ASAP1: variants seen among roughly 807,000 people sequenced by gnomAD.
ASAP1 encodes arf-GAP with SH3 domain, ANK repeat and PH domain-containing protein 1.
ASAP1 carries 43 observed loss-of-function variants against 145.2 expected under a neutral mutation model. That is an observed-to-expected ratio of 0.30 (90% CI 0.23 to 0.38). The LOEUF (loss-of-function observed/expected upper bound fraction) is 0.38, where lower values mean the gene tolerates loss of function less well. Among genes scored for constraint, ASAP1 ranks in the 10% least tolerant of loss-of-function variants. The probability of loss-of-function intolerance (pLI) is 1.00; values close to 1 mark genes in which losing one functional copy is unlikely to be tolerated. For missense variants in ASAP1, 1,018 were observed against 1,355.3 expected, an observed-to-expected ratio of 0.75 and a Z score of 3.91; for synonymous variants, 546 against 515.5, an observed-to-expected ratio of 1.06 and a Z score of -0.80.
intron 13 of ASAP1, among the ~76,000 whole-genome samples, chr8:130,148,802 G>A (rs1288208782): frequency 2.0e-5 from 3 of 151,918 alleles, no homozygotes; most frequent in Non-Finnish European, 4.4e-5. Flanking sequence ...TAGTTTAGTC[G>A]CTTCATATAA....
At chr8:130,327,514 C>T (rs1009389177) in intron 3 of ASAP1, among the ~76,000 whole-genome samples, 3 of 152,156 alleles carry the variant, frequency 2.0e-5, no homozygotes, top group Admixed American at 6.5e-5. Context: ...AATTAAGTAA[C>T]ATGGAAGAAT....
chr8:130,273,949 G>C (rs1035660469), intron 3 of ASAP1, among the ~76,000 whole-genome samples: 6 of 152,182 alleles, frequency 3.9e-5, no homozygotes, highest in Admixed American at 2.0e-4. Context: ...TAGGATGAAG[G>C]GGGGCGGAGG....
intron 3 of ASAP1, among the ~76,000 whole-genome samples, chr8:130,333,651 A>C (rs562177460): frequency 2.6e-5 from 4 of 152,320 alleles, no homozygotes; most frequent in Non-Finnish European, 4.4e-5. Context: ...TGGCTGTAAC[A>C]ATTTTTTTAA....
intron 3 of ASAP1, among the ~76,000 whole-genome samples, chr8:130,253,460 G>A (rs77569195): frequency 1.4e-3 from 216 of 152,218 alleles, no homozygotes; most frequent in Non-Finnish European, 2.5e-3. Context: ...TAGTTAGCAA[G>A]AACAAATTTT....
chr8:130,236,845 A>T lies in ASAP1; in HGVS notation c.259+77T>A, dbSNP rs575723818. ...TTGTGTCAAGTTTCCTATAAACTTA[A>T]CATCTTTTAAATAACTAACAAAACT... On this transcript the variant is annotated intron_variant, in intron 4 of 29. Coordinates refer to ENST00000518721, the MANE Select transcript of ASAP1 (RefSeq NM_018482.4). The T allele has an allele frequency of 7.9e-5, 87 of 1,105,598 alleles. No individual in the cohort carries two copies. The African/African-American group carries it at 1.3e-3, about 17-fold the overall frequency. 68.5% of individuals were successfully genotyped at this position (1,105,598 alleles called of 1,614,324 possible). A position where few individuals can be genotyped will look rare whatever the true frequency, so the allele number is the denominator to read the frequency against.
At chr8:130,081,160 G>GT (rs1236021301) in intron 25 of ASAP1, among the ~76,000 whole-genome samples, 2 of 152,226 alleles carry the variant, frequency 1.3e-5, no homozygotes, top group African/African-American at 4.8e-5. Flanking sequence ...GGAAGAGGGA[G>GT]TAGGGAATGC....
intron 5 of ASAP1, among the ~76,000 whole-genome samples, chr8:130,203,512 T>C (rs1226538086): frequency 6.6e-6 from 1 of 152,100 alleles, no homozygotes; most frequent in Non-Finnish European, 1.5e-5. Flanking sequence ...AGGGCCATGG[T>C]ATGTGGAGGT....
chr8:130,431,075 A>G (rs1470736441), intron 1 of ASAP1, among the ~76,000 whole-genome samples: 2 of 152,192 alleles, frequency 1.3e-5, no homozygotes, highest in African/African-American at 4.8e-5. Context: ...AGACATAGAC[A>G]TGACTCAGCC....
In ASAP1 at chr8:130,335,907, T is replaced by G. The variant is rs182981232; in HGVS notation, c.186+22110A>C. Among the ~76,000 whole-genome samples, 231 of 152,238 alleles carry G rather than the reference T, an allele frequency of 1.5e-3. No individual in the cohort carries two copies. The Middle Eastern group carries it at 0.017, about 11-fold the overall frequency. The stretch of plus-strand genomic sequence containing the variant: ...TACTTCTGAGTCAGTCAAAAATAAG[T>G]TTCAGGACACTAAAAGAAAAAAGTG... On this transcript the variant is annotated intron_variant, in intron 3 of 29. Transcript: ENST00000518721.
chr8:130,337,816 T>A (rs1457110955), intron 3 of ASAP1, among the ~76,000 whole-genome samples: 1 of 152,204 alleles, frequency 6.6e-6, no homozygotes, highest in East Asian at 1.9e-4. Flanking sequence ...GAAGAGGCAA[T>A]GGCCAGACTT....
intron 15 of ASAP1, among the ~76,000 whole-genome samples, chr8:130,128,916 G>T (rs926361625): frequency 1.3e-5 from 2 of 152,210 alleles, no homozygotes; most frequent in Admixed American, 6.5e-5. Context: ...TTATATGATT[G>T]ATATGGTTTG....
chr8:130,161,268 T>C (rs542629009), intron 11 of ASAP1, among the ~76,000 whole-genome samples: 11 of 152,312 alleles, frequency 7.2e-5, no homozygotes, highest in African/African-American at 1.2e-4. Context: ...TGAAATGTGA[T>C]AGTGTCGAGG....
At chr8:130,324,976 C>T (rs1323724975) in intron 3 of ASAP1, among the ~76,000 whole-genome samples, 1 of 152,186 alleles carries the variant, frequency 6.6e-6, no homozygotes, top group Non-Finnish European at 1.5e-5. Context: ...ACAAGGAACC[C>T]CCAAAACCCA....
Position 130,072,824 on chromosome 8 carries a change from T to TGTGTGTGTGCGTGCGCGC in ASAP1, c.2701+3523_2701+3524insGCGCGCACGCACACACAC. On this transcript the variant is annotated intron_variant, in intron 27 of 29. Coordinates refer to ENST00000518721, the MANE Select transcript of ASAP1 (RefSeq NM_018482.4). ...GTGTGTGTGTGTGTGTGTGTGTGTGTGCGCGCGGGGGGGGGCAGTTTTGGG... is the reference window on the plus strand; with the variant it reads ...GTGTGTGTGTGTGTGTGTGTGTGTGTGTGTGTGTGCGTGCGCGCGCGCGCGGGGGGGGGCAGTTTTGGG... Among the ~76,000 whole-genome samples the TGTGTGTGTGCGTGCGCGC allele has an allele frequency of 9.3e-5, 3 of 32,316 alleles. 1 individual carries two copies. The East Asian group carries it at 7.2e-3, about 78-fold the overall frequency. 21.2% of individuals were successfully genotyped at this position (32,316 alleles called of 152,430 possible).
At position 130,218,511 on chromosome 8, in the gene ASAP1, T is replaced by C. The variant is rs1452274442; in HGVS notation, c.260-3810A>G. Among the ~76,000 whole-genome samples, 4 of 152,258 alleles carry C rather than the reference T, an allele frequency of 2.6e-5. No homozygotes were observed. The East Asian group carries it at 7.7e-4, about 29-fold the overall frequency. ...GCCATTATCCTGAATTGAAATTTCA[T>C]GCAAAGGTTAGAAAGAATTACAAGA... On this transcript the variant is annotated intron_variant, in intron 4 of 29. Coordinates refer to ENST00000518721, the MANE Select transcript of ASAP1 (RefSeq NM_018482.4).
intron 1 of ASAP1, among the ~76,000 whole-genome samples, chr8:130,435,627 G>C (rs1429611219): frequency 1.3e-5 from 2 of 152,138 alleles, no homozygotes; most frequent in African/African-American, 4.8e-5. Context: ...TGAATATTAA[G>C]CTAGCTGGTT....
At chr8:130,252,707 C>T (rs116722640) in intron 3 of ASAP1, among the ~76,000 whole-genome samples, 4,016 of 152,264 alleles carry the variant, frequency 0.026, 62 homozygotes, top group Middle Eastern at 0.044. Context: ...AGCACACCCA[C>T]CCACAAGCAC....
intron 3 of ASAP1, among the ~76,000 whole-genome samples, chr8:130,266,325 A>T (rs569020515): frequency 6.6e-6 from 1 of 152,308 alleles, no homozygotes; most frequent in African/African-American, 2.4e-5. Context: ...AAGTGATTGT[A>T]TACAACAGGG....
chr8:130,194,762 C>T (rs1815367978), intron 5 of ASAP1, among the ~76,000 whole-genome samples: 3 of 152,118 alleles, frequency 2.0e-5, no homozygotes, highest in Admixed American at 2.0e-4. Flanking sequence ...CTAATGTCAC[C>T]GCTGATGTGA....
Sources: allele counts gnomAD v4.1 joint callset (sites outside exome capture counted in the v4.1 genomes callset), GRCh38; gene constraint gnomAD v4.1.1; transcripts MANE v1.5; gene names NCBI Gene and HGNC (gene_info 2026-07-23, HGNC 2026-07-21).